DGKB: variants seen among roughly 807,000 people sequenced by gnomAD.
DGKB encodes the protein diacylglycerol kinase beta.
Under a neutral mutation model 114.3 loss-of-function variants are expected in DGKB, and 67 were observed. The ratio of observed to expected loss-of-function variants is 0.59; its 90% CI spans 0.48 to 0.72. DGKB has a LOEUF of 0.72. Ranked by LOEUF, DGKB falls within the 30% of genes least tolerant of loss-of-function variation. DGKB has a pLI of 0.00. For missense variants in DGKB, 907 were observed against 975.2 expected, an observed-to-expected ratio of 0.93 and a Z score of 0.93; for synonymous variants, 398 against 323.1, an observed-to-expected ratio of 1.23 and a Z score of -2.49.
chr7:14,836,608 A>C (rs1847200324), intron 2 of DGKB, among the ~76,000 whole-genome samples: 1 of 152,224 alleles, frequency 6.6e-6, no homozygotes, highest in African/African-American at 2.4e-5. Context: ...AAAGGGCAGG[A>C]GTGAGAGCTT....
At chr7:14,327,812 T>C (rs935989182) in intron 23 of DGKB, among the ~76,000 whole-genome samples, 4 of 152,068 alleles carry the variant, frequency 2.6e-5, no homozygotes, top group African/African-American at 7.2e-5. Flanking sequence ...TATCACCAAG[T>C]ATAAAAATTT....
At chr7:14,308,108 T>C (rs1260008201) in intron 23 of DGKB, among the ~76,000 whole-genome samples, 1 of 152,108 alleles carries the variant, frequency 6.6e-6, no homozygotes, top group Non-Finnish European at 1.5e-5. Context: ...TTTCTTTTTA[T>C]GTACTTCAAG....
intron 21 of DGKB, among the ~76,000 whole-genome samples, chr7:14,466,407 A>G (rs555291029): frequency 6.6e-6 from 1 of 152,280 alleles, no homozygotes; most frequent in African/African-American, 2.4e-5. Flanking sequence ...AATGTACCAA[A>G]GAAAGTTAAA....
At chr7:14,451,885 G>A (rs1831571853) in intron 21 of DGKB, among the ~76,000 whole-genome samples, 1 of 151,352 alleles carries the variant, frequency 6.6e-6, no homozygotes, top group South Asian at 2.1e-4. Context: ...ATCAATTAAA[G>A]AAATTAATGA....
intron 6 of DGKB, among the ~76,000 whole-genome samples, chr7:14,716,270 T>G (rs897109806): frequency 6.6e-6 from 1 of 152,128 alleles, no homozygotes; most frequent in African/African-American, 2.4e-5. Context: ...TTGTTAGAAA[T>G]GCACATTTTC....
At chr7:14,500,305 A>T (rs1256973893) in intron 20 of DGKB, among the ~76,000 whole-genome samples, 1 of 151,728 alleles carries the variant, frequency 6.6e-6, no homozygotes, top group Non-Finnish European at 1.5e-5. Flanking sequence ...AGTGTTTTCA[A>T]ATTATTTTTA....
intron 21 of DGKB, among the ~76,000 whole-genome samples, chr7:14,424,812 G>A (rs1191132394): frequency 6.6e-6 from 1 of 152,010 alleles, no homozygotes; most frequent in Non-Finnish European, 1.5e-5. Flanking sequence ...GTAAGTAGTA[G>A]AACAGGAATT....
At chr7:14,318,829 C>G (rs1000615381) in intron 23 of DGKB, among the ~76,000 whole-genome samples, 3 of 152,144 alleles carry the variant, frequency 2.0e-5, no homozygotes, top group African/African-American at 7.2e-5. Flanking sequence ...TAATAAAGCA[C>G]ATGCACACGT....
intron 21 of DGKB, among the ~76,000 whole-genome samples, chr7:14,361,125 G>A (rs1815654165): frequency 6.6e-6 from 1 of 151,952 alleles, no homozygotes; most frequent in Non-Finnish European, 1.5e-5. Flanking sequence ...AATTAGTTAA[G>A]TGTTTTTTAC....
chr7:14,280,154 G>A (rs1799714544), intron 23 of DGKB, among the ~76,000 whole-genome samples: 1 of 151,844 alleles, frequency 6.6e-6, no homozygotes, highest in African/African-American at 2.4e-5. Context: ...CCAATACAGA[G>A]AAGTGCTTAA....
chr7:14,334,362 A>ATG (rs750329719), intron 23 of DGKB, among the ~76,000 whole-genome samples: 6,615 of 144,704 alleles, frequency 0.046, 247 homozygotes, highest in African/African-American at 0.1. Context: ...GTATATACAT[A>ATG]TGTGTGTGTG....
chr7:14,593,027 A>T (rs2128748691), intron 17 of DGKB, among the ~76,000 whole-genome samples: 1 of 152,166 alleles, frequency 6.6e-6, no homozygotes, highest in South Asian at 2.1e-4. Context: ...ATAAAAAATT[A>T]ATTTGAATTA....
At chr7:14,653,640 A>C (rs1387258230) in intron 13 of DGKB, among the ~76,000 whole-genome samples, 3 of 145,392 alleles carry the variant, frequency 2.1e-5, no homozygotes, top group Admixed American at 6.7e-5. Context: ...ATGTACTCTA[A>C]AACTTAAAGT....
At chr7:14,757,268 C>T (rs1003947372) in intron 3 of DGKB, among the ~76,000 whole-genome samples, 3 of 152,138 alleles carry the variant, frequency 2.0e-5, no homozygotes, top group Non-Finnish European at 4.4e-5. Context: ...AAGCATACTC[C>T]TTCTCTATTT....
chr7:14,214,585 C>A (rs1415314158), intron 23 of DGKB, among the ~76,000 whole-genome samples: 1 of 151,902 alleles, frequency 6.6e-6, no homozygotes, highest in Non-Finnish European at 1.5e-5. Flanking sequence ...CTTTCTTTCT[C>A]CAACAAACAT....
intron 21 of DGKB, among the ~76,000 whole-genome samples, chr7:14,364,940 CG>C (rs774969748): frequency 2.2e-4 from 34 of 151,972 alleles, no homozygotes; most frequent in Non-Finnish European, 4.1e-4. Flanking sequence ...CATCTGCAAA[CG>C]TGTCACATAA....
At chr7:14,488,676 A>T (rs1784170259) in intron 20 of DGKB, among the ~76,000 whole-genome samples, 1 of 150,886 alleles carries the variant, frequency 6.6e-6, no homozygotes, top group African/African-American at 2.4e-5. Context: ...TATATATATA[A>T]AATTAGCTCG....
Position 14,492,534 on chromosome 7 carries a change from C to T in DGKB, c.1771-14309G>A, listed in dbSNP as rs531541183. Among the ~76,000 whole-genome samples the T allele has an allele frequency of 7.2e-5, 11 of 152,068 alleles. No individual in the cohort carries two copies. The South Asian group carries it at 2.3e-3, about 32-fold the overall frequency. ...TTTGAAGAAAAGAAAATACAATTGA[C>T]ACATTTGTTAGTGAGGTACAGCTTA... On this transcript the variant is annotated intron_variant, in intron 20 of 25. Coordinates refer to ENST00000402815, the MANE Select transcript of DGKB (RefSeq NM_001350709.2).
At chr7:14,643,554 G>A (rs866239328) in intron 13 of DGKB, among the ~76,000 whole-genome samples, 2 of 152,166 alleles carry the variant, frequency 1.3e-5, no homozygotes, top group Non-Finnish European at 2.9e-5. Context: ...AAACCAACTG[G>A]AACTGGTGGT....
Sources: gnomAD v4.1 joint callset for allele counts (sites outside exome capture counted in the v4.1 genomes callset) on GRCh38, gnomAD v4.1.1 for gene constraint, MANE v1.5 for transcripts, NCBI Gene and HGNC (gene_info 2026-07-23, HGNC 2026-07-21) for gene names.